The following TLR5 variants were observed in gnomAD, a reference collection of about 807,000 sequenced individuals.
The protein encoded by TLR5 is toll like receptor 5.
For missense variants in TLR5, 944 were observed against 999.8 expected (o/e 0.94, Z 0.75); for synonymous variants, 373 against 384.4 (o/e 0.97, Z 0.35).
chr1:223,120,442 T>C (rs1360297711), intron 5 of TLR5, among the ~76,000 whole-genome samples: 1 of 152,194 alleles, frequency 6.6e-6, no homozygotes, highest in Non-Finnish European at 1.5e-5. Flanking sequence ...AACCAATGCA[T>C]ACCCCACATA....
intron 4 of TLR5, chr1:223,134,306 G>T (rs528669092): frequency 1.3e-5 from 2 of 152,234 alleles, no homozygotes; most frequent in South Asian, 4.1e-4. Flanking sequence ...CTTCCCTTTA[G>T]AACACTGAAG....
chr1:223,116,356 C>T (rs1291725330), intron 5 of TLR5, among the ~76,000 whole-genome samples: 1 of 152,086 alleles, frequency 6.6e-6, no homozygotes, highest in Non-Finnish European at 1.5e-5. Flanking sequence ...ATCTATAGAC[C>T]TTCACGGTGA....
At chr1:223,138,741 C>T (rs764707604) in intron 2 of TLR5, among the ~76,000 whole-genome samples, 2 of 152,212 alleles carry the variant, frequency 1.3e-5, no homozygotes, top group African/African-American at 2.4e-5. Flanking sequence ...GGGAATCCTA[C>T]ACCTGCAGCA....
At chr1:223,114,780 A>C (rs529874315) in intron 5 of TLR5, among the ~76,000 whole-genome samples, 1 of 152,294 alleles carries the variant, frequency 6.6e-6, no homozygotes, top group East Asian at 1.9e-4. Context: ...CACCACTCTG[A>C]ATTTCTCCCC....
Position 223,112,695 on chromosome 1 carries a change from C to A in TLR5, c.337G>T (p.Asp113Tyr), listed in dbSNP as rs751802671. The part of the protein sequence containing the change: ...GSSKIYFLHP[D>Y]AFQGLFHLFE... ...AGATGGAACAGTCCCTGAAAAGCAT[C>A]TGGATGCAAGAAGTATATCTTACTA... The change falls in exon 6 of 6, where the codon GAT (aspartate) becomes TAT (tyrosine). Residue 113 changes from aspartate to tyrosine, a missense_variant. Transcript: ENST00000642603. 2 of 1,614,252 alleles carry A rather than the reference C, an allele frequency of 1.2e-6. No individual in the cohort carries two copies. Among genetic ancestry groups the A allele is most frequent in the Non-Finnish European group, 1.7e-6 (2 of 1,180,044 alleles).
intron 4 of TLR5, among the ~76,000 whole-genome samples, chr1:223,132,932 T>C (rs1211379697): frequency 6.6e-6 from 1 of 152,200 alleles, no homozygotes; most frequent in East Asian, 1.9e-4. Context: ...ATGACATTTC[T>C]GGGGTCATTT....
rs191026028 is a variant in TLR5, at chr1:223,114,758, G to A, written c.-4-1723C>T. ...TAATAATCGTTAGGAAAAACTTGGTGAGAATGTTTATCACCACTCTGAATT... is the reference window on the plus strand; with the variant it reads ...TAATAATCGTTAGGAAAAACTTGGTAAGAATGTTTATCACCACTCTGAATT... On this transcript the variant is annotated intron_variant, in intron 5 of 5. Transcript: ENST00000642603. Among the ~76,000 whole-genome samples, 14 of 152,298 alleles carry A rather than the reference G, an allele frequency of 9.2e-5. No individual in the cohort carries two copies. The East Asian group carries it at 2.7e-3, about 29-fold the overall frequency.
rs1449697451 is a variant in TLR5, at chr1:223,112,496, G to C, written c.536C>G (p.Ser179Cys). 6.2e-7 allele frequency: 1 copy of C among 1,614,120 alleles called. No individual in the cohort carries two copies. The highest frequency in any genetic ancestry group is 8.5e-7 in the Non-Finnish European group (1 of 1,180,052). ...TTCACATACAAGGAATATTTGGTTG[G>C]AGGAAAAATCTATGGACTTTAAGGA... ...LNSLKSIDFSSNQIFLVCEHE... is the reference protein window; with the variant it reads ...LNSLKSIDFSCNQIFLVCEHE... Residue 179 changes from serine to cysteine, a missense_variant, in exon 6 of 6, where the codon TCC becomes TGC. Physicochemically the swap from Ser to Cys is moderately radical, Grantham distance 112 (BLOSUM62 -1). Coordinates refer to ENST00000642603, the MANE Select transcript of TLR5 (RefSeq NM_003268.6).
Position 223,112,678 on chromosome 1 carries a change from C to T in TLR5, c.354G>A (p.Leu118=), listed in dbSNP as rs1161599690. ...YFLHPDAFQG[L]FHLFELRLYF... ...ACAGTCTAAGTTCAAACAGATGGAA[C>T]AGTCCCTGAAAAGCATCTGGATGCA... The change falls in exon 6 of 6, where the codon CTG becomes CTA. Residue 118 remains leucine (L), a synonymous_variant. Coordinates refer to ENST00000642603, the MANE Select transcript of TLR5 (RefSeq NM_003268.6). 6.2e-7 allele frequency: 1 copy of T among 1,614,212 alleles called. No homozygotes were observed.
At chr1:223,139,089 C>T (rs1657736685) in intron 2 of TLR5, among the ~76,000 whole-genome samples, 1 of 152,228 alleles carries the variant, frequency 6.6e-6, no homozygotes. Flanking sequence ...AACTGTGAGT[C>T]AATTAAACTT....
intron 3 of TLR5, among the ~76,000 whole-genome samples, chr1:223,135,822 A>T (rs1290921681): frequency 6.6e-6 from 1 of 152,222 alleles, no homozygotes; most frequent in Admixed American, 6.5e-5. Flanking sequence ...ATGGAACCAC[A>T]TATATCCTAG....
intron 5 of TLR5, among the ~76,000 whole-genome samples, chr1:223,122,718 C>T (rs907016314): frequency 6.6e-6 from 1 of 152,118 alleles, no homozygotes; most frequent in East Asian, 1.9e-4. Flanking sequence ...GTTTTTAAAC[C>T]TTTTGAAGTC....
Position 223,111,931 on chromosome 1 carries a change from C to A in TLR5, c.1101G>T (p.Leu367Phe), listed in dbSNP as rs1021783493. 9.9e-6 allele frequency: 16 copies of A among 1,613,952 alleles called. No homozygotes were observed. The highest frequency in any genetic ancestry group is 1.3e-5 in the African/African-American group (1 of 74,916). Residue 367 changes from leucine (L) to phenylalanine (F), a missense_variant, in exon 6 of 6, where the codon TTG becomes TTT. Physicochemically the swap from Leu to Phe is conservative, Grantham distance 22. Coordinates refer to ENST00000642603, the MANE Select transcript of TLR5 (RefSeq NM_003268.6). ...GAATTATTGCAATGTGATTCTTTTG[C>A]AAATCAATGTAGGCTACCTTAGGTA... ...YGLPKVAYIDLQKNHIAIIQD... is the reference protein window; with the variant it reads ...YGLPKVAYIDFQKNHIAIIQD...
At chr1:223,135,676 C>A (rs184901825) in intron 3 of TLR5, among the ~76,000 whole-genome samples, 3 of 152,178 alleles carry the variant, frequency 2.0e-5, no homozygotes, top group African/African-American at 4.8e-5. Flanking sequence ...ATCATCATGA[C>A]AGCAATCATA....
rs770594894 is a variant in TLR5, at chr1:223,111,760, T to C, written c.1272A>G (p.Thr424=). Residue 424 remains threonine, a synonymous_variant, in exon 6 of 6, where the codon ACA becomes ACG. Coordinates refer to ENST00000642603, the MANE Select transcript of TLR5 (RefSeq NM_003268.6). ...TTTCTGATAAGTGGATGAGGTTCGCTGTAAGGTTGATCTTTGGCAAAGTCA... is the reference window on the plus strand; with the variant it reads ...TTTCTGATAAGTGGATGAGGTTCGCCGTAAGGTTGATCTTTGGCAAAGTCA... ...KLVTLPKINL[T]ANLIHLSENR... 3.1e-6 allele frequency: 5 copies of C among 1,614,184 alleles called. No individual in the cohort carries two copies. Among genetic ancestry groups the C allele is most frequent in the Non-Finnish European group, 4.2e-6 (5 of 1,180,018 alleles).
At chr1:223,116,847 A>C (rs963179136) in intron 5 of TLR5, among the ~76,000 whole-genome samples, 1 of 152,180 alleles carries the variant, frequency 6.6e-6, no homozygotes, top group African/African-American at 2.4e-5. Flanking sequence ...TCCTCTACCT[A>C]GACATAAAAG....
intron 5 of TLR5, among the ~76,000 whole-genome samples, chr1:223,121,004 G>A (rs1257253121): frequency 2.0e-5 from 3 of 152,148 alleles, no homozygotes; most frequent in Non-Finnish European, 2.9e-5. Context: ...GATAGCTTAA[G>A]CCTGGGAGTT....
At chr1:223,116,035 C>T (rs969561176) in intron 5 of TLR5, among the ~76,000 whole-genome samples, 1 of 152,220 alleles carries the variant, frequency 6.6e-6, no homozygotes, top group Non-Finnish European at 1.5e-5. Flanking sequence ...GTTTCCCCAG[C>T]GAGACTTCTC....
In TLR5 at chr1:223,111,758, G is replaced by A. The variant is rs746631286; in HGVS notation, c.1274C>T (p.Ala425Val). The change falls in exon 6 of 6, where the codon GCG becomes GTG. Residue 425 changes from alanine (A) to valine (V), a missense_variant. By Grantham distance (64) the Ala-to-Val change is moderately conservative (BLOSUM62 0). Transcript: ENST00000642603. ...GTTTTCTGATAAGTGGATGAGGTTC[G>A]CTGTAAGGTTGATCTTTGGCAAAGT... is the stretch of plus-strand genomic sequence containing the variant. ...LVTLPKINLT[A>V]NLIHLSENRL... 9 of 1,614,090 alleles carry A rather than the reference G, an allele frequency of 5.6e-6. No homozygotes were observed. The highest frequency in any genetic ancestry group is 3.3e-5 in the Admixed American group (2 of 60,024).
Sources: gnomAD v4.1 joint callset for allele counts (sites outside exome capture counted in the v4.1 genomes callset) on GRCh38, gnomAD v4.1.1 for gene constraint, MANE v1.5 for transcripts, NCBI Gene and HGNC (gene_info 2026-07-23, HGNC 2026-07-21) for gene names.